The following ARHGAP31 variants were observed in gnomAD, a reference collection of about 807,000 sequenced individuals.
ARHGAP31 encodes the protein Rho GTPase activating protein 31, also known as rho GTPase-activating protein 31.
A neutral mutation model predicts 113.9 loss-of-function variants in ARHGAP31; 34 were observed. The observed-to-expected ratio is 0.30, with a 90% CI of 0.23 to 0.40. The LOEUF (loss-of-function observed/expected upper bound fraction) is 0.40, where lower values mean the gene tolerates loss of function less well. Ranked by LOEUF, ARHGAP31 falls within the 10% of genes least tolerant of loss-of-function variation. ARHGAP31 has a pLI of 1.00. For synonymous variants in ARHGAP31, 650 were observed against 684.8 expected (o/e 0.95, Z 0.79); for missense variants, 1,548 against 1,767.1 (o/e 0.88, Z 2.22).
intron 1 of ARHGAP31, among the ~76,000 whole-genome samples, chr3:119,337,406 T>C (rs992830653): frequency 6.6e-6 from 1 of 152,062 alleles, no homozygotes; most frequent in African/African-American, 2.4e-5. Flanking sequence ...ACCTTTGTGG[T>C]GAGTGTTACA....
At chr3:119,374,117 C>T (rs1236096702) in intron 3 of ARHGAP31, among the ~76,000 whole-genome samples, 1 of 152,018 alleles carries the variant, frequency 6.6e-6, no homozygotes, top group Admixed American at 6.6e-5. Context: ...AGGCTTGTCC[C>T]CTCTAAATCT....
At chr3:119,325,826 T>G (rs1052415479) in intron 1 of ARHGAP31, among the ~76,000 whole-genome samples, 2 of 152,352 alleles carry the variant, frequency 1.3e-5, no homozygotes, top group Middle Eastern at 3.4e-3. Flanking sequence ...AAATTTTTTT[T>G]GATGCCTAGC....
chr3:119,378,761 C>G (rs1409753716), intron 3 of ARHGAP31, among the ~76,000 whole-genome samples: 4 of 152,218 alleles, frequency 2.6e-5, no homozygotes, highest in Non-Finnish European at 5.9e-5. Flanking sequence ...GAGCCAGGGT[C>G]CTCTCCACAA....
At chr3:119,373,954 G>A (rs145689561) in intron 3 of ARHGAP31, among the ~76,000 whole-genome samples, 3 of 152,238 alleles carry the variant, frequency 2.0e-5, no homozygotes, top group African/African-American at 7.2e-5. Context: ...TATGTCCATT[G>A]CAATATTATA....
chr3:119,386,983 A>C (rs1481805468), intron 6 of ARHGAP31, among the ~76,000 whole-genome samples: 1 of 152,208 alleles, frequency 6.6e-6, no homozygotes, highest in African/African-American at 2.4e-5. Flanking sequence ...GAGTGTGACC[A>C]CTGAAGCACA....
chr3:119,347,945 C>T (rs1481713495), intron 1 of ARHGAP31, among the ~76,000 whole-genome samples: 1 of 152,238 alleles, frequency 6.6e-6, no homozygotes, highest in Non-Finnish European at 1.5e-5. Context: ...GTATGATAAA[C>T]TAGCATTCTC....
At chr3:119,337,446 T>G (rs1010636779) in intron 1 of ARHGAP31, among the ~76,000 whole-genome samples, 2 of 151,952 alleles carry the variant, frequency 1.3e-5, no homozygotes, top group African/African-American at 4.8e-5. Flanking sequence ...ACCCAAAGAG[T>G]GACCAGCACC....
intron 6 of ARHGAP31, among the ~76,000 whole-genome samples, chr3:119,386,020 C>T (rs528559789): frequency 1.3e-5 from 2 of 152,272 alleles, no homozygotes; most frequent in African/African-American, 4.8e-5. Context: ...ATCTTTTTGT[C>T]CTGCATATTA....
chr3:119,301,767 A>G (rs750886321), intron 1 of ARHGAP31, among the ~76,000 whole-genome samples: 5 of 152,190 alleles, frequency 3.3e-5, no homozygotes, highest in Admixed American at 2.0e-4. Context: ...GACTCTGGGC[A>G]TAAGAACTGT....
chr3:119,326,972 T>C (rs571389557), intron 1 of ARHGAP31, among the ~76,000 whole-genome samples: 1 of 151,906 alleles, frequency 6.6e-6, no homozygotes, highest in South Asian at 2.1e-4. Context: ...ACCCTGTCTC[T>C]ACGGAAAATA....
rs2080804769 is a variant in ARHGAP31, at chr3:119,419,426, T to C, written c.*3162T>C. On this transcript the variant is annotated 3_prime_UTR_variant, in exon 12 of 12. Coordinates refer to ENST00000264245, the MANE Select transcript of ARHGAP31 (RefSeq NM_020754.4). ...AATCTAAACCCTAAAATTCAAAATATTGTCCAAGTCAAAAGTCTAGACTCT... is the reference window on the plus strand; with the variant it reads ...AATCTAAACCCTAAAATTCAAAATACTGTCCAAGTCAAAAGTCTAGACTCT... The C allele has an allele frequency of 6.6e-6, 1 of 152,188 alleles. No individual in the cohort carries two copies. Among genetic ancestry groups the C allele is most frequent in the Non-Finnish European group, 1.5e-5 (1 of 68,042 alleles). 9.4% of individuals were successfully genotyped at this position (152,188 alleles called of 1,614,324 possible).
chr3:119,359,126 TC>T (rs1265305815), intron 1 of ARHGAP31, among the ~76,000 whole-genome samples: 2 of 152,006 alleles, frequency 1.3e-5, no homozygotes, highest in Non-Finnish European at 2.9e-5. Flanking sequence ...CAAGCGATTC[TC>T]CTGCCTCAGC....
chr3:119,415,169 G>A lies in ARHGAP31; in HGVS notation c.3240G>A (p.Ser1080=), dbSNP rs541229961. The A allele has an allele frequency of 2.2e-5, 35 of 1,614,214 alleles. No individual in the cohort carries two copies. Among genetic ancestry groups the A allele is most frequent in the African/African-American group, 1.3e-4 (10 of 75,050 alleles). ...ESSPSVQDST[S]PGEHPAKLQL... ...CACCCAGCGTGCAGGACAGCACTTC[G>A]CCTGGAGAGCACCCCGCAAAGTTAC... Residue 1080 remains serine (S), a synonymous_variant, in exon 12 of 12, where the codon TCG becomes TCA. Transcript: ENST00000264245.
intron 10 of ARHGAP31, among the ~76,000 whole-genome samples, chr3:119,406,253 A>G (rs529851304): frequency 1.3e-5 from 2 of 152,304 alleles, no homozygotes; most frequent in African/African-American, 2.4e-5. Flanking sequence ...ACAGGAGTCC[A>G]TATTAATGGT....
In ARHGAP31 at chr3:119,409,599, C is replaced by T. The variant is rs781467875; in HGVS notation, c.1749C>T (p.His583=). 6.2e-7 allele frequency: 1 copy of T among 1,614,068 alleles called. No homozygotes were observed. ...SKGLSQEPGA[H]LEEKKTPESS... ...GCCTGTCCCAGGAGCCAGGCGCCCACCTGGAGGAGAAGAAAACCCCAGAAA... is the reference window on the plus strand; with the variant it reads ...GCCTGTCCCAGGAGCCAGGCGCCCATCTGGAGGAGAAGAAAACCCCAGAAA... The change falls in exon 11 of 12, where the codon CAC becomes CAT. Residue 583 remains histidine (H), a synonymous_variant. Coordinates refer to ENST00000264245, the MANE Select transcript of ARHGAP31 (RefSeq NM_020754.4).
At chr3:119,313,009 A>G (rs578143836) in intron 1 of ARHGAP31, among the ~76,000 whole-genome samples, 1 of 152,286 alleles carries the variant, frequency 6.6e-6, no homozygotes, top group East Asian at 1.9e-4. Context: ...GAAATATGCT[A>G]TTTTCAAGTG....
At chr3:119,391,393 T>C (rs2080502558) in intron 7 of ARHGAP31, among the ~76,000 whole-genome samples, 1 of 151,768 alleles carries the variant, frequency 6.6e-6, no homozygotes, top group South Asian at 2.1e-4. Flanking sequence ...ACAAAAAGCA[T>C]AGGGTTGACA....
At chr3:119,321,542 G>A (rs1355987167) in intron 1 of ARHGAP31, among the ~76,000 whole-genome samples, 1 of 150,212 alleles carries the variant, frequency 6.7e-6, no homozygotes, top group Non-Finnish European at 1.5e-5. Flanking sequence ...TACACTGTGT[G>A]TGTGTATATA....
At chr3:119,341,320 C>G (rs1157632003) in intron 1 of ARHGAP31, among the ~76,000 whole-genome samples, 1 of 152,162 alleles carries the variant, frequency 6.6e-6, no homozygotes, top group Non-Finnish European at 1.5e-5. Flanking sequence ...TTGTCTTAAG[C>G]TGGCGTTGCT....
Sources: gnomAD v4.1 joint callset for allele counts (sites outside exome capture counted in the v4.1 genomes callset) on GRCh38, gnomAD v4.1.1 for gene constraint, MANE v1.5 for transcripts, NCBI Gene and HGNC (gene_info 2026-07-23, HGNC 2026-07-21) for gene names.